Variants in ATP1A2 observed in about 807,000 individuals in gnomAD.
The protein encoded by ATP1A2 is sodium/potassium-transporting ATPase subunit alpha-2.
In ATP1A2, 56 loss-of-function variants were observed where a neutral mutation model predicts 113.1. The ratio of observed to expected loss-of-function variants is 0.49; its 90% CI spans 0.40 to 0.62. The LOEUF (loss-of-function observed/expected upper bound fraction) is 0.62. Ranked by LOEUF, ATP1A2 falls within the 20% of genes least tolerant of loss-of-function variation. ATP1A2 has a pLI of 0.00. For synonymous variants in ATP1A2, 490 were observed against 526.8 expected (o/e 0.93, Z 0.96); for missense variants, 712 against 1,357.8 (o/e 0.52, Z 7.47).
At chr1:160,116,287 T>C (rs73023696) in intron 1 of ATP1A2, among the ~76,000 whole-genome samples, 9,786 of 152,030 alleles carry the variant, frequency 0.064, 365 homozygotes, top group Middle Eastern at 0.16. Context: ...CCTCTGGGAG[T>C]CCTAGCCTGA....
At chr1:160,120,384 C>CTA (rs1651354652) in intron 1 of ATP1A2, among the ~76,000 whole-genome samples, 2 of 152,130 alleles carry the variant, frequency 1.3e-5, no homozygotes, top group Admixed American at 1.3e-4. Flanking sequence ...ACGTTCCTGC[C>CTA]TAATCCCCTG....
chr1:160,124,492 G>A, intron 6 of ATP1A2, 62 bp downstream of exon 6: 1 of 1,559,528 alleles, frequency 6.4e-7, no homozygotes, highest in Non-Finnish European at 8.7e-7. Context: ...GCAGAGCTGA[G>A]AGGGGCCCAG....
At chr1:160,134,744 C>A in intron 14 of ATP1A2, 124 bp downstream of exon 14, 1 of 1,381,908 alleles carries the variant, frequency 7.2e-7, no homozygotes, top group Non-Finnish European at 1.0e-6. Context: ...ACCTCTGACA[C>A]TATTGTGACT....
In ATP1A2 at chr1:160,135,236, G is replaced by A. The variant is rs780606939; in HGVS notation, c.2056G>A (p.Val686Ile). 3.1e-6 allele frequency: 5 copies of A among 1,614,198 alleles called. No homozygotes were observed. The highest frequency in any genetic ancestry group is 1.7e-5 in the Admixed American group (1 of 60,024). The stretch of plus-strand genomic sequence containing the variant: ...GATCCTCAAGAACCACACAGAGATC[G>A]TCTTTGCTCGAACGTCTCCCCAGCA... ...DEILKNHTEI[V>I]FARTSPQQKL... is the part of the protein sequence containing the mutation. The change falls in exon 15 of 23, where the codon GTC (valine) becomes ATC (isoleucine). Residue 686 changes from valine to isoleucine, a missense_variant. Val to Ile is a conservative substitution (Grantham distance 29). Around this residue, in one of 6 missense-constraint regions of ATP1A2, gnomAD observed 263 missense variants for 380.6 expected, o/e 0.69. Coordinates refer to ENST00000361216, the MANE Select transcript of ATP1A2 (RefSeq NM_000702.4). This position sits in a 1 kb window ranked among gnomAD's most constrained non-coding sequence, Gnocchi z 6.3.
chr1:160,132,190 C>T (rs1350503163), intron 13 of ATP1A2, among the ~76,000 whole-genome samples: 3 of 152,106 alleles, frequency 2.0e-5, no homozygotes, highest in Non-Finnish European at 2.9e-5. Flanking sequence ...TGTACCCTGG[C>T]GTGGCTAGAC....
intron 7 of ATP1A2, among the ~76,000 whole-genome samples, chr1:160,126,739 G>C (rs140370598): frequency 9.9e-5 from 15 of 152,142 alleles, no homozygotes; most frequent in African/African-American, 3.4e-4. Context: ...CCAAAGTGCT[G>C]GGATTACAGG....
chr1:160,139,347 C>T (rs1427383000), intron 20 of ATP1A2, among the ~76,000 whole-genome samples: 1 of 152,088 alleles, frequency 6.6e-6, no homozygotes, highest in Non-Finnish European at 1.5e-5. Flanking sequence ...AGACAGGCCC[C>T]ATGTTGACCA....
At position 160,135,912 on chromosome 1, in the gene ATP1A2, C is replaced by G; in HGVS notation, c.2358C>G (p.Pro786=). The G allele has an allele frequency of 6.2e-7, 1 of 1,614,150 alleles. No individual in the cohort carries two copies. The highest frequency in any genetic ancestry group is 2.2e-5 in the East Asian group (1 of 44,872). Residue 786 remains proline, a synonymous_variant, in exon 17 of 23, where the codon CCC becomes CCG. Coordinates refer to ENST00000361216, the MANE Select transcript of ATP1A2 (RefSeq NM_000702.4). The surrounding 1 kb of genome is among the most constrained non-coding windows in gnomAD (Gnocchi z 6.3). ...CCAGCAACATCCCCGAGATCACCCCCTTCCTGCTGTTCATCATTGCCAACA... is the reference window on the plus strand; with the variant it reads ...CCAGCAACATCCCCGAGATCACCCCGTTCCTGCTGTTCATCATTGCCAACA... The part of the protein sequence containing the change: ...TLTSNIPEIT[P]FLLFIIANIP...
At chr1:160,141,018 A>G (rs1416764795) in intron 22 of ATP1A2, among the ~76,000 whole-genome samples, 1 of 151,660 alleles carries the variant, frequency 6.6e-6, no homozygotes, top group African/African-American at 2.4e-5. Flanking sequence ...GCATGCCACT[A>G]TGCCCGACTA....
intron 22 of ATP1A2, chr1:160,140,846 C>CCTTTT (rs1652123649): frequency 4.6e-5 from 4 of 87,046 alleles, no homozygotes; most frequent in African/African-American, 2.2e-4. Flanking sequence ...CTTTCACCTT[C>CCTTTT]TTTTTTTTTT....
intron 22 of ATP1A2, 132 bp downstream of exon 22, chr1:160,140,116 C>A: frequency 1.1e-6 from 1 of 898,622 alleles, no homozygotes; most frequent in Non-Finnish European, 1.8e-6. Context: ...ATCCTGGGGT[C>A]CCAGGTCCCA....
rs200102433 is a variant in ATP1A2 at position 160,130,415 on chromosome 1, C to A, written c.1652-7C>A. The A allele has an allele frequency of 4.0e-4, 644 of 1,614,196 alleles. 2 individuals are homozygous for A. Among genetic ancestry groups the A allele is most frequent in the Middle Eastern group, 3.8e-3 (23 of 6,062 alleles). ...GGATCTCACTGATCCCTTCTGCCCC[C>A]CTTTAGGATTCTGTCAACTGAATCT... On this transcript the variant is annotated splice_polypyrimidine_tract_variant and splice_region_variant and intron_variant, in intron 12 of 22. Transcript: ENST00000361216.
intron 1 of ATP1A2, among the ~76,000 whole-genome samples, chr1:160,117,364 C>T (rs948587596): frequency 6.6e-6 from 1 of 152,138 alleles, no homozygotes; most frequent in Non-Finnish European, 1.5e-5. Flanking sequence ...AGGTAGCCCC[C>T]TACCCTGCTC....
chr1:160,121,258 G>A lies in ATP1A2; in HGVS notation c.177+7G>A. 6.2e-7 allele frequency: 1 copy of A among 1,614,208 alleles called. No individual in the cohort carries two copies. The highest frequency in any genetic ancestry group is 8.5e-7 in the Non-Finnish European group (1 of 1,180,028). The stretch of plus-strand genomic sequence containing the variant: ...CCAAGTGGACCTGTCCAAGGTGAGT[G>A]GAGGGGCTTCTAGGGAAGGAACAAA... On this transcript the variant is annotated splice_region_variant and intron_variant, in intron 3 of 22. Transcript: ENST00000361216.
chr1:160,125,551 G>A (rs942936964), intron 7 of ATP1A2: 2 of 417,156 alleles, frequency 4.8e-6, no homozygotes, highest in African/African-American at 2.0e-5. Context: ...TTACGCATGC[G>A]CACACACAGA....
chr1:160,138,234 A>C (rs1045105159), intron 20 of ATP1A2, among the ~76,000 whole-genome samples: 4 of 152,242 alleles, frequency 2.6e-5, no homozygotes, highest in African/African-American at 9.6e-5. Flanking sequence ...CCTTATTTTG[A>C]AAAGCTTTAT....
At chr1:160,125,436 C>G in intron 7 of ATP1A2, 183 bp downstream of exon 7, 1 of 618,262 alleles carries the variant, frequency 1.6e-6, no homozygotes, top group South Asian at 1.8e-5. Context: ...TGAGGGCAGC[C>G]TGACTCCATG....
chr1:160,134,629 T>C lies in ATP1A2; in HGVS notation c.1964+9T>C. ...AGTCAAGTCAACCCCAGGTGAGGCC[T>C]CTGCAGGAAGCCCCTGTGCCCTAAT... On this transcript the variant is annotated intron_variant, in intron 14 of 22. Transcript: ENST00000361216. 6.2e-7 allele frequency: 1 copy of C among 1,614,190 alleles called. No individual in the cohort carries two copies. The highest frequency in any genetic ancestry group is 1.1e-5 in the South Asian group (1 of 91,082).
chr1:160,121,373 A>G, intron 3 of ATP1A2, 122 bp downstream of exon 3: 1 of 1,196,348 alleles, frequency 8.4e-7, no homozygotes, highest in Non-Finnish European at 1.2e-6. Flanking sequence ...TGAGGCCCAG[A>G]AACAAGGACT....
Sources: allele counts gnomAD v4.1 joint callset (sites outside exome capture counted in the v4.1 genomes callset), GRCh38; gene constraint gnomAD v4.1.1; regional missense constraint gnomAD v4.1.1; non-coding constraint Gnocchi (gnomAD v3.1); transcripts MANE v1.5; gene names NCBI Gene and HGNC (gene_info 2026-07-23, HGNC 2026-07-21).